Variants in RIN3 observed in about 807,000 individuals in gnomAD.
The protein encoded by RIN3 is Ras and Rab interactor 3, also known as RAB5 interacting protein 3.
A neutral mutation model predicts 76.3 loss-of-function variants in RIN3; 54 were observed. The ratio of observed to expected loss-of-function variants is 0.71; its 90% CI spans 0.57 to 0.89. The LOEUF is 0.89. RIN3 is among the 40% of genes least tolerant of loss of function. RIN3 has a pLI of 0.00. For missense variants in RIN3, 1,256 were observed against 1,322.1 expected, an observed-to-expected ratio of 0.95 and a Z score of 0.78; for synonymous variants, 576 against 564.0, an observed-to-expected ratio of 1.02 and a Z score of -0.30.
At chr14:92,515,566 T>C in intron 1 of RIN3, 1 of 392,826 alleles carries the variant, frequency 2.5e-6, no homozygotes, top group Non-Finnish European at 4.5e-6. Context: ...TACATTAGAC[T>C]ATATGGTAAA....
Position 92,651,780 on chromosome 14 carries a change from G to A in RIN3, c.731G>A (p.Ser244Asn). The part of the protein sequence containing the change: ...FVNPIFIEDC[S>N]SALPTDQPPL... ...AATCCTATTTTCATCGAGGACTGCA[G>A]CAGCGCCCTGCCCACCGACCAGCCA... Residue 244 changes from serine (S) to asparagine (N), a missense_variant, in exon 6 of 10, where the codon AGC becomes AAC. Ser to Asn is a conservative substitution (Grantham distance 46). This residue lies in a region of RIN3 where 610 missense variants were observed against 626.4 expected (regional missense o/e 0.97). Coordinates refer to ENST00000216487, the MANE Select transcript of RIN3 (RefSeq NM_024832.5). 6.2e-7 allele frequency: 1 copy of A among 1,614,014 alleles called. No homozygotes were observed. Among genetic ancestry groups the A allele is most frequent in the South Asian group, 1.1e-5 (1 of 91,078 alleles).
At chr14:92,536,127 C>A (rs1269014306) in intron 1 of RIN3, among the ~76,000 whole-genome samples, 1 of 152,166 alleles carries the variant, frequency 6.6e-6, no homozygotes, top group African/African-American at 2.4e-5. Context: ...TTAATCACTT[C>A]GGCTTTATCA....
intron 1 of RIN3, among the ~76,000 whole-genome samples, chr14:92,550,147 C>A (rs889021779): frequency 6.6e-6 from 1 of 152,204 alleles, no homozygotes; most frequent in Non-Finnish European, 1.5e-5. Flanking sequence ...CTGGGCACTT[C>A]CATCTTTGCC....
chr14:92,528,109 C>T (rs909844689), intron 1 of RIN3, among the ~76,000 whole-genome samples: 2 of 151,760 alleles, frequency 1.3e-5, no homozygotes, highest in South Asian at 2.1e-4. Flanking sequence ...ACTAAGGCCT[C>T]GGCATCAAGG....
At chr14:92,547,994 G>C (rs1470916230) in intron 1 of RIN3, among the ~76,000 whole-genome samples, 1 of 152,132 alleles carries the variant, frequency 6.6e-6, no homozygotes, top group African/African-American at 2.4e-5. Context: ...ATGAGTCACC[G>C]CACCTGGCCT....
At chr14:92,529,834 T>C (rs1896837670) in intron 1 of RIN3, among the ~76,000 whole-genome samples, 1 of 152,216 alleles carries the variant, frequency 6.6e-6, no homozygotes. Flanking sequence ...AGAGAAAATA[T>C]GTGTGTTAGA....
rs1014757653 is a variant in RIN3 at position 92,568,743 on chromosome 14, A to G, written c.250-8617A>G. 6.6e-6 allele frequency among the ~76,000 whole-genome samples: 1 copy of G among 152,208 alleles called. No individual in the cohort carries two copies. Among genetic ancestry groups the G allele is most frequent in the Admixed American group, 6.5e-5 (1 of 15,288 alleles). On this transcript the variant is annotated intron_variant, in intron 2 of 9. Coordinates refer to ENST00000216487, the MANE Select transcript of RIN3 (RefSeq NM_024832.5). This position sits in a 1 kb window ranked among gnomAD's most constrained non-coding sequence, Gnocchi z 4.2. ...CACAGCCTCCAGCCTCCTCTGCCCC[A>G]GGCCAGCGCCTTATCATGGTTTTTA...
intron 2 of RIN3, among the ~76,000 whole-genome samples, chr14:92,574,354 C>G (rs1260533357): frequency 6.6e-6 from 1 of 152,198 alleles, no homozygotes; most frequent in African/African-American, 2.4e-5. Context: ...TCTTTTATTA[C>G]GTAGATGGAT....
At chr14:92,615,316 ACGCCCCCCGACC>A in intron 3 of RIN3, 79 bp from the exon 4 acceptor site, 1 of 1,034,198 alleles carries the variant, frequency 9.7e-7, no homozygotes, top group Non-Finnish European at 1.5e-6. Context: ...TGCAGCAGAC[ACGCCCCCCGACC>A]CCATCCTTGC....
intron 1 of RIN3, among the ~76,000 whole-genome samples, chr14:92,525,627 G>A (rs1433836488): frequency 1.3e-5 from 2 of 152,168 alleles, no homozygotes; most frequent in East Asian, 1.9e-4. Flanking sequence ...CTGAGAAACA[G>A]GGTGGGCCGC....
chr14:92,591,022 G>A lies in RIN3; in HGVS notation c.367+13545G>A, dbSNP rs765916245. Among the ~76,000 whole-genome samples, 4 of 152,306 alleles carry A rather than the reference G, an allele frequency of 2.6e-5. No individual in the cohort carries two copies. The South Asian group carries it at 6.2e-4, about 24-fold the overall frequency. Reference sequence around the variant, plus strand: ...CAGACTCACATATGGTAGAGAGGTTGGAATGGTCAGACCAATAATTTAAAG... The same window carrying A: ...CAGACTCACATATGGTAGAGAGGTTAGAATGGTCAGACCAATAATTTAAAG... On this transcript the variant is annotated intron_variant, in intron 3 of 9. Transcript: ENST00000216487.
intron 8 of RIN3, among the ~76,000 whole-genome samples, chr14:92,683,383 C>T (rs548137837): frequency 6.6e-6 from 1 of 152,264 alleles, no homozygotes; most frequent in African/African-American, 2.4e-5. Context: ...ACTCGGTTTT[C>T]TCTCTCTAAA....
chr14:92,621,167 C>T (rs189234752), intron 4 of RIN3, among the ~76,000 whole-genome samples: 26 of 124,190 alleles, frequency 2.1e-4, no homozygotes, highest in African/African-American at 5.8e-4. Context: ...ACCCGGAAGG[C>T]GGAGCTTGCA....
chr14:92,606,797 G>A (rs920070349), intron 3 of RIN3, among the ~76,000 whole-genome samples: 2 of 152,196 alleles, frequency 1.3e-5, no homozygotes, highest in African/African-American at 2.4e-5. Context: ...AATCCTCACG[G>A]TGGGAATATA....
At chr14:92,622,133 A>G (rs556878883) in intron 4 of RIN3, among the ~76,000 whole-genome samples, 3 of 152,180 alleles carry the variant, frequency 2.0e-5, no homozygotes, top group Admixed American at 1.3e-4. Context: ...TCTAAACAAT[A>G]TGGGGGCCAA....
In RIN3 at chr14:92,514,037, C is replaced by G. The variant is rs1170517178; in HGVS notation, c.44+61C>G. ...TCCCCACGGCCCGCGTCCTGGCCGCCCCACTCCACTTCTTGTCCCAGAGAG... is the reference window on the plus strand; with the variant it reads ...TCCCCACGGCCCGCGTCCTGGCCGCGCCACTCCACTTCTTGTCCCAGAGAG... On this transcript the variant is annotated intron_variant, in intron 1 of 9. Transcript: ENST00000216487. The surrounding 1 kb of genome is among the most constrained non-coding windows in gnomAD (Gnocchi z 7.2). 2.7e-6 allele frequency: 3 copies of G among 1,100,230 alleles called. No individual in the cohort carries two copies. The highest frequency in any genetic ancestry group is 4.3e-5 in the Admixed American group (1 of 23,494). The allele number at this position is 1,100,230 out of a possible 1,614,324, so 68.2% of individuals were successfully genotyped here. A position where few individuals can be genotyped will look rare whatever the true frequency, so the allele number is the denominator to read the frequency against.
chr14:92,642,778 G>GCCAT (rs60926912), intron 5 of RIN3, among the ~76,000 whole-genome samples: 2,099 of 152,358 alleles, frequency 0.014, 57 homozygotes, highest in African/African-American at 0.048. Context: ...CCACCAGGCA[G>GCCAT]CCATGGTCAG....
chr14:92,671,180 C>T (rs1039925610), intron 7 of RIN3, among the ~76,000 whole-genome samples: 6 of 152,198 alleles, frequency 3.9e-5, no homozygotes, highest in Non-Finnish European at 7.3e-5. Context: ...TCCATGCCCT[C>T]AGCACACTCA....
At chr14:92,594,367 G>C (rs1232878385) in intron 3 of RIN3, among the ~76,000 whole-genome samples, 6 of 131,212 alleles carry the variant, frequency 4.6e-5, no homozygotes, top group Non-Finnish European at 5.4e-5. Flanking sequence ...GGGAGGCAGA[G>C]GTTGCAGTGA....
Sources: gnomAD v4.1 joint callset for allele counts (sites outside exome capture counted in the v4.1 genomes callset) on GRCh38, gnomAD v4.1.1 for gene constraint, gnomAD v4.1.1 regional missense constraint, Gnocchi (gnomAD v3.1) non-coding constraint, MANE v1.5 for transcripts, NCBI Gene and HGNC (gene_info 2026-07-23, HGNC 2026-07-21) for gene names.